Variants in FBXO33 observed in about 807,000 individuals in gnomAD.
FBXO33 encodes the protein F-box protein 33, also known as F-box only protein 33.
FBXO33 carries 22 observed loss-of-function variants against 46.3 expected under a neutral mutation model. The observed-to-expected ratio is 0.48, with a 90% CI of 0.34 to 0.68. FBXO33 has a LOEUF of 0.68. Ranked by LOEUF, FBXO33 falls within the 30% of genes least tolerant of loss-of-function variation. The probability of loss-of-function intolerance (pLI) is 0.01; values close to 1 mark genes in which losing one functional copy is unlikely to be tolerated. For synonymous variants in FBXO33, 337 were observed against 291.3 expected, an observed-to-expected ratio of 1.16 and a Z score of -1.60; for missense variants, 692 against 708.8, an observed-to-expected ratio of 0.98 and a Z score of 0.27.
chr14:39,415,589 G>A (rs1471514056), intron 1 of FBXO33, among the ~76,000 whole-genome samples: 1 of 152,136 alleles, frequency 6.6e-6, no homozygotes, highest in Non-Finnish European at 1.5e-5. Context: ...TCCTGCATAC[G>A]TTGCTACTGA....
intron 1 of FBXO33, among the ~76,000 whole-genome samples, chr14:39,412,314 G>T (rs899142621): frequency 3.9e-5 from 6 of 152,038 alleles, no homozygotes; most frequent in African/African-American, 1.4e-4. Flanking sequence ...TAATGACCTT[G>T]TCTCTTGTGT....
In FBXO33 at chr14:39,431,602, C is replaced by G. The variant is rs553415495; in HGVS notation, c.561G>C (p.Glu187Asp). The change falls in exon 1 of 4, where the codon GAG becomes GAC. Residue 187 changes from glutamate to aspartate, a missense_variant. By Grantham distance (45) the Glu-to-Asp change is conservative (BLOSUM62 2). Around this residue, in one of 3 missense-constraint regions of FBXO33, gnomAD observed 412 missense variants for 370.8 expected, o/e 1.11. Coordinates refer to ENST00000298097, the MANE Select transcript of FBXO33 (RefSeq NM_203301.4). ...RWLEVLRTYL[E>D]LVLCVLVSIR... ...TGCTGACCAGCACGCAAAGCACCAG[C>G]TCCAAGTAGGTGCGCAGCACTTCCA... The G allele has an allele frequency of 8.7e-6, 14 of 1,613,298 alleles. No homozygotes were observed. The Admixed American group carries it at 2.3e-4, about 27-fold the overall frequency.
chr14:39,410,199 T>C (rs748317820), intron 1 of FBXO33, among the ~76,000 whole-genome samples: 9 of 152,212 alleles, frequency 5.9e-5, no homozygotes, highest in African/African-American at 1.4e-4. Flanking sequence ...CTTTAGTATG[T>C]TGAGGTACAT....
At chr14:39,431,481 T>G in intron 1 of FBXO33, 83 bp downstream of exon 1, 1 of 1,586,464 alleles carries the variant, frequency 6.3e-7, no homozygotes, top group Non-Finnish European at 8.5e-7. Context: ...GCCGGGCACG[T>G]ATTATGCACA....
intron 1 of FBXO33, among the ~76,000 whole-genome samples, chr14:39,410,128 G>A (rs756017182): frequency 6.6e-6 from 1 of 152,062 alleles, no homozygotes; most frequent in Non-Finnish European, 1.5e-5. Flanking sequence ...AAACGGTTCC[G>A]GTTTTTCACT....
chr14:39,418,106 C>G (rs1190312273), intron 1 of FBXO33, among the ~76,000 whole-genome samples: 1 of 151,802 alleles, frequency 6.6e-6, no homozygotes, highest in Non-Finnish European at 1.5e-5. Context: ...CTCTGTCACC[C>G]AGGCTGGAAT....
Position 39,399,726 on chromosome 14 carries a change from T to G in FBXO33, c.1458A>C (p.Lys486Asn), listed in dbSNP as rs138719541. ...TGCTTTCTTCGGTGACTTCAAGCAC[T>G]TTCAGATCAGAGCCCCGAAGACGAG... ...AIARLRGSDL[K>N]VLEVTEESID... The change falls in exon 4 of 4, where the codon AAA becomes AAC. Residue 486 changes from lysine (K) to asparagine (N), a missense_variant. Lys to Asn is a moderately conservative substitution (Grantham distance 94). Around this residue, in one of 3 missense-constraint regions of FBXO33, gnomAD observed 94 missense variants for 91.9 expected, o/e 1.02. Transcript: ENST00000298097. 7.3e-5 allele frequency: 118 copies of G among 1,613,550 alleles called. No homozygotes were observed. The African/African-American group carries it at 1.3e-3, about 17-fold the overall frequency.
intron 1 of FBXO33, among the ~76,000 whole-genome samples, chr14:39,429,537 A>G (rs1205717677): frequency 6.6e-6 from 1 of 152,256 alleles, no homozygotes; most frequent in African/African-American, 2.4e-5. Context: ...AACTTTTCCA[A>G]TATCACAGAG....
At chr14:39,428,985 C>A (rs2075530016) in intron 1 of FBXO33, among the ~76,000 whole-genome samples, 1 of 152,174 alleles carries the variant, frequency 6.6e-6, no homozygotes, top group Admixed American at 6.5e-5. Context: ...CAGAGAGGCA[C>A]TTATGCACCT....
intron 1 of FBXO33, among the ~76,000 whole-genome samples, chr14:39,428,420 G>A (rs772750759): frequency 7.9e-5 from 12 of 152,054 alleles, no homozygotes; most frequent in South Asian, 6.2e-4. Context: ...GGCTGGTCTC[G>A]AACTCCTGAC....
Position 39,398,561 on chromosome 14 carries a change from A to ATATT in FBXO33, c.*951_*954dup, listed in dbSNP as rs2075354422. ...ACCACAGGTCGAAATTCGACCTTAA[A>ATATT]TATTACAATCTAGCAGTATCTGGCT... is the stretch of plus-strand genomic sequence containing the variant. On this transcript the variant is annotated 3_prime_UTR_variant, in exon 4 of 4. Transcript: ENST00000298097. The ATATT allele has an allele frequency of 6.6e-6, 1 of 152,104 alleles. No individual in the cohort carries two copies. Among genetic ancestry groups the ATATT allele is most frequent in the Non-Finnish European group, 1.5e-5 (1 of 67,974 alleles). 9.4% of individuals were successfully genotyped at this position (152,104 alleles called of 1,614,324 possible).
At chr14:39,402,752 G>A (rs992802037) in intron 1 of FBXO33, among the ~76,000 whole-genome samples, 7 of 148,166 alleles carry the variant, frequency 4.7e-5, no homozygotes, top group African/African-American at 1.5e-4. Flanking sequence ...GCGCGATCCC[G>A]GTTCACTGCA....
At position 39,424,948 on chromosome 14, in the gene FBXO33, A is replaced by G. The variant is rs541568942; in HGVS notation, c.599+6616T>C. On this transcript the variant is annotated intron_variant, in intron 1 of 3. Coordinates refer to ENST00000298097, the MANE Select transcript of FBXO33 (RefSeq NM_203301.4). ...CATCCTGTAATCCCAGCTACTTGGG[A>G]GGCTGAGGCAGGAGAATCGCTTCCA... is the stretch of plus-strand genomic sequence containing the variant. 6.6e-5 allele frequency among the ~76,000 whole-genome samples: 10 copies of G among 152,212 alleles called. 1 individual carries two copies. In the South Asian group the frequency reaches 2.1e-3, roughly 32 times the overall value.
In FBXO33 at chr14:39,431,725, C is replaced by G. The variant is rs370631930; in HGVS notation, c.438G>C (p.Glu146Asp). ...VRELRVEFAAENYLSGGGPGD... is the reference protein window; with the variant it reads ...VRELRVEFAADNYLSGGGPGD... ...CTGGGCCACCGCCGCTCAGATAGTT[C>G]TCGGCGGCGAATTCAACACGCAGCT... The change falls in exon 1 of 4, where the codon GAG (glutamate) becomes GAC (aspartate). Residue 146 changes from glutamate (E) to aspartate (D), a missense_variant. Coordinates refer to ENST00000298097, the MANE Select transcript of FBXO33 (RefSeq NM_203301.4). 24 of 1,613,310 alleles carry G rather than the reference C, an allele frequency of 1.5e-5. No homozygotes were observed. Among genetic ancestry groups the G allele is most frequent in the East Asian group, 8.9e-5 (4 of 44,878 alleles).
intron 1 of FBXO33, among the ~76,000 whole-genome samples, chr14:39,402,744 G>C (rs1015993779): frequency 7.0e-6 from 1 of 143,146 alleles, no homozygotes; most frequent in Non-Finnish European, 1.5e-5. Flanking sequence ...GGGCAGTAGC[G>C]CGATCCCGGT....
intron 1 of FBXO33, 51 bp downstream of exon 1, chr14:39,431,513 G>T (rs768444469): frequency 6.1e-5 from 97 of 1,602,038 alleles, no homozygotes; most frequent in Non-Finnish European, 7.8e-5. Flanking sequence ...GGGGTGCGGG[G>T]ACGGAGCGAC....
intron 1 of FBXO33, among the ~76,000 whole-genome samples, chr14:39,415,200 C>T (rs1022737480): frequency 5.9e-5 from 9 of 152,054 alleles, no homozygotes; most frequent in African/African-American, 2.2e-4. Flanking sequence ...TCTGGGAAGC[C>T]AAGGTGAGGA....
intron 1 of FBXO33, among the ~76,000 whole-genome samples, chr14:39,407,810 C>T (rs2075405877): frequency 6.6e-6 from 1 of 152,128 alleles, no homozygotes; most frequent in Admixed American, 6.5e-5. Flanking sequence ...TATACATATC[C>T]AGAAATATTC....
chr14:39,412,119 T>C (rs4902601), intron 1 of FBXO33, among the ~76,000 whole-genome samples: 27,529 of 152,170 alleles, frequency 0.18, 2,581 homozygotes, highest in Middle Eastern at 0.29. Flanking sequence ...CTCACTGATT[T>C]TCTGTCCAGA....
Sources: gnomAD v4.1 joint callset for allele counts (sites outside exome capture counted in the v4.1 genomes callset) on GRCh38, gnomAD v4.1.1 for gene constraint, gnomAD v4.1.1 regional missense constraint, MANE v1.5 for transcripts, NCBI Gene and HGNC (gene_info 2026-07-23, HGNC 2026-07-21) for gene names.